Variants in NDFIP2 observed in about 807,000 individuals in gnomAD.
NDFIP2 encodes the protein Nedd4 family interacting protein 2, also known as NEDD4 family-interacting protein 2.
A neutral mutation model predicts 36.0 loss-of-function variants in NDFIP2; 19 were observed. The ratio of observed to expected loss-of-function variants is 0.53; its 90% CI spans 0.37 to 0.77. The LOEUF (loss-of-function observed/expected upper bound fraction) is 0.77. NDFIP2 is among the 30% of genes least tolerant of loss of function. NDFIP2 has a pLI of 0.00. For missense variants in NDFIP2, 446 were observed against 435.8 expected (o/e 1.02, Z -0.21); for synonymous variants, 181 against 167.7 (o/e 1.08, Z -0.61).
intron 1 of NDFIP2, among the ~76,000 whole-genome samples, chr13:79,515,349 GTTATA>G (rs1874251177): frequency 6.6e-6 from 1 of 152,238 alleles, no homozygotes; most frequent in African/African-American, 2.4e-5. Flanking sequence ...ATATACCTGT[GTTATA>G]TTATAAAATT....
At chr13:79,496,681 CTT>C in intron 1 of NDFIP2, among the ~76,000 whole-genome samples, 1 of 148,826 alleles carries the variant, frequency 6.7e-6, no homozygotes, top group East Asian at 2.0e-4. Flanking sequence ...ATAAAAAAAA[CTT>C]TTAAAGGGTT....
At chr13:79,515,428 C>T (rs1420862637) in intron 1 of NDFIP2, among the ~76,000 whole-genome samples, 1 of 152,266 alleles carries the variant, frequency 6.6e-6, no homozygotes, top group East Asian at 1.9e-4. Flanking sequence ...TGCTAACTTG[C>T]AGCTTTTACA....
intron 1 of NDFIP2, among the ~76,000 whole-genome samples, chr13:79,485,482 T>C (rs1463734376): frequency 6.6e-6 from 1 of 152,210 alleles, no homozygotes; most frequent in African/African-American, 2.4e-5. Flanking sequence ...ACTCATTTCA[T>C]TTTCCACTGG....
chr13:79,530,761 C>T (rs746622059), intron 2 of NDFIP2, among the ~76,000 whole-genome samples: 6 of 152,194 alleles, frequency 3.9e-5, no homozygotes, highest in African/African-American at 7.2e-5. Context: ...GTCACATTTT[C>T]AGGCCTCACT....
chr13:79,548,788 A>T (rs1431752246), intron 6 of NDFIP2, among the ~76,000 whole-genome samples: 1 of 151,982 alleles, frequency 6.6e-6, no homozygotes, highest in Non-Finnish European at 1.5e-5. Context: ...AACATTCTTT[A>T]TGCTTTTGAA....
rs1594835171 is a variant in NDFIP2 at position 79,481,183 on chromosome 13, A to C, written c.-21A>C. The C allele has an allele frequency of 6.7e-7, 1 of 1,492,452 alleles. No individual in the cohort carries two copies. The highest frequency in any genetic ancestry group is 2.5e-5 in the East Asian group (1 of 39,356). 92.5% of individuals were successfully genotyped at this position (1,492,452 alleles called of 1,614,324 possible). ...TTTCCATCTCCTCCCACCCAGCTAT[A>C]CCCTCCCACTGGCGGCGCGGATGGC... On this transcript the variant is annotated 5_prime_UTR_variant, in exon 1 of 8. Transcript: ENST00000218652.
chr13:79,547,048 T>A (rs1875710817), intron 5 of NDFIP2, among the ~76,000 whole-genome samples: 2 of 151,952 alleles, frequency 1.3e-5, no homozygotes, highest in South Asian at 2.1e-4. Flanking sequence ...CTATAAATTT[T>A]AAAAAATTAC....
chr13:79,522,446 C>A (rs1874623153), intron 2 of NDFIP2, among the ~76,000 whole-genome samples: 2 of 152,090 alleles, frequency 1.3e-5, no homozygotes, highest in Non-Finnish European at 2.9e-5. Flanking sequence ...TTTAAGAGTG[C>A]AATTGTGATA....
intron 3 of NDFIP2, among the ~76,000 whole-genome samples, chr13:79,535,624 A>G (rs1311015066): frequency 6.6e-6 from 1 of 152,210 alleles, no homozygotes; most frequent in African/African-American, 2.4e-5. Flanking sequence ...TAGGTCTTGT[A>G]AAAAATCTTA....
chr13:79,497,708 T>C (rs73551551), intron 1 of NDFIP2, among the ~76,000 whole-genome samples: 3,650 of 150,484 alleles, frequency 0.024, 159 homozygotes, highest in African/African-American at 0.085. Flanking sequence ...CTCCCTAGTA[T>C]TTTTGTTTTG....
At chr13:79,506,419 ATAT>A (rs1486517682) in intron 1 of NDFIP2, among the ~76,000 whole-genome samples, 1 of 152,124 alleles carries the variant, frequency 6.6e-6, no homozygotes, top group African/African-American at 2.4e-5. Flanking sequence ...TGGCTATATA[ATAT>A]TTTATTGTCT....
chr13:79,548,611 G>A (rs965494017), intron 6 of NDFIP2, among the ~76,000 whole-genome samples: 4 of 152,008 alleles, frequency 2.6e-5, no homozygotes, highest in Non-Finnish European at 4.4e-5. Flanking sequence ...TCAGTGGCGG[G>A]ATGATAATTG....
chr13:79,542,504 T>C (rs1456463772), intron 4 of NDFIP2, among the ~76,000 whole-genome samples: 1 of 150,990 alleles, frequency 6.6e-6, no homozygotes, highest in Non-Finnish European at 1.5e-5. Context: ...TGTGTTGTTC[T>C]GTTTTTTGTT....
intron 1 of NDFIP2, among the ~76,000 whole-genome samples, chr13:79,514,519 G>GT (rs1256323316): frequency 6.6e-6 from 1 of 152,148 alleles, no homozygotes; most frequent in African/African-American, 2.4e-5. Flanking sequence ...CAGGGTTAAA[G>GT]TTAAGATTAT....
At chr13:79,526,714 A>G (rs1320467733) in intron 2 of NDFIP2, among the ~76,000 whole-genome samples, 1 of 152,218 alleles carries the variant, frequency 6.6e-6, no homozygotes, top group African/African-American at 2.4e-5. Context: ...CTAGAAGCCA[A>G]GAGAGGAGAG....
intron 1 of NDFIP2, among the ~76,000 whole-genome samples, chr13:79,500,393 C>T (rs990798577): frequency 1.3e-5 from 2 of 151,872 alleles, no homozygotes; most frequent in African/African-American, 4.8e-5. Context: ...GTGAAAGATA[C>T]TGCCAAGAAA....
Position 79,533,381 on chromosome 13 carries a change from T to G in NDFIP2, c.546T>G (p.Ser182=), listed in dbSNP as rs1875094704. The stretch of plus-strand genomic sequence containing the variant: ...CACCTCCCTATAGCGTTGCTACCTC[T>G]CTTCCTACATACGATGAAGCTGAGA... ...PVPPPYSVAT[S]LPTYDEAEKA... The change falls in exon 3 of 8, where the codon TCT becomes TCG. Residue 182 remains serine, a synonymous_variant. Coordinates refer to ENST00000218652, the MANE Select transcript of NDFIP2 (RefSeq NM_019080.3). 1.2e-6 allele frequency: 2 copies of G among 1,612,182 alleles called. No individual in the cohort carries two copies. Among genetic ancestry groups the G allele is most frequent in the Non-Finnish European group, 1.7e-6 (2 of 1,178,886 alleles).
At position 79,555,590 on chromosome 13, in the gene NDFIP2, T is replaced by C. The variant is rs909409267; in HGVS notation, c.*3077T>C. The C allele has an allele frequency of 2.6e-5, 4 of 152,054 alleles. No homozygotes were observed. The highest frequency in any genetic ancestry group is 5.9e-5 in the Non-Finnish European group (4 of 67,968). 9.4% of individuals were successfully genotyped at this position (152,054 alleles called of 1,614,324 possible). A position where few individuals can be genotyped will look rare whatever the true frequency, so the allele number is the denominator to read the frequency against. On this transcript the variant is annotated 3_prime_UTR_variant, in exon 8 of 8. Transcript: ENST00000218652. Reference sequence around the variant, plus strand: ...GAGGAATAGTATTTTTTTTAATAGTTGTATTTGAATGATTCCAGCTTATCG... The same window carrying C: ...GAGGAATAGTATTTTTTTTAATAGTCGTATTTGAATGATTCCAGCTTATCG...
At chr13:79,514,269 C>G in intron 1 of NDFIP2, among the ~76,000 whole-genome samples, 1 of 152,168 alleles carries the variant, frequency 6.6e-6, no homozygotes, top group East Asian at 1.9e-4. Flanking sequence ...AGGTTCTTCT[C>G]TCTCAGGGCT....
Sources: gnomAD v4.1 joint callset for allele counts (sites outside exome capture counted in the v4.1 genomes callset) on GRCh38, gnomAD v4.1.1 for gene constraint, MANE v1.5 for transcripts, NCBI Gene and HGNC (gene_info 2026-07-23, HGNC 2026-07-21) for gene names.